Variants in PTPRD observed in about 807,000 individuals in gnomAD.
The protein encoded by PTPRD is receptor-type tyrosine-protein phosphatase delta.
Under a neutral mutation model 214.5 loss-of-function variants are expected in PTPRD, and 34 were observed. The ratio of observed to expected loss-of-function variants is 0.16; its 90% CI spans 0.12 to 0.21. PTPRD has a LOEUF of 0.21. Ranked by LOEUF, PTPRD falls within the 10% of genes least tolerant of loss-of-function variation. The pLI is 1.00. For synonymous variants in PTPRD, 1,128 were observed against 845.7 expected (o/e 1.33, Z -5.79); for missense variants, 2,545 against 2,398.7 (o/e 1.06, Z -1.27).
intron 33 of PTPRD, chr9:8,451,875 C>A: frequency 2.0e-6 from 1 of 499,138 alleles, no homozygotes; most frequent in Non-Finnish European, 4.0e-6. Flanking sequence ...TCTATCTGGG[C>A]AAGAAAACTA....
rs139788415 is a variant in PTPRD at position 9,460,877 on chromosome 9, G to A, written c.-236-63395C>T. Among the ~76,000 whole-genome samples the A allele has an allele frequency of 9.0e-3, 1,373 of 152,128 alleles. 9 individuals are homozygous for A. The highest frequency in any genetic ancestry group is 0.014 in the Non-Finnish European group (976 of 67,972). On this transcript the variant is annotated intron_variant, in intron 8 of 45. Coordinates refer to ENST00000381196, the MANE Select transcript of PTPRD (RefSeq NM_002839.4). ...ATCAAAATGATACCTGCACTCTTACGTTTATTGCTGCACTATTCACAATAG... is the reference window on the plus strand; with the variant it reads ...ATCAAAATGATACCTGCACTCTTACATTTATTGCTGCACTATTCACAATAG...
chr9:10,220,494 T>C (rs970625133), intron 3 of PTPRD, among the ~76,000 whole-genome samples: 7 of 152,048 alleles, frequency 4.6e-5, no homozygotes, highest in Admixed American at 2.6e-4. Context: ...GCTATACTCA[T>C]GAAAGTTAAA....
At chr9:9,583,120 A>G (rs925736734) in intron 7 of PTPRD, among the ~76,000 whole-genome samples, 2 of 152,052 alleles carry the variant, frequency 1.3e-5, no homozygotes, top group African/African-American at 4.8e-5. Context: ...CTGTTCCTAA[A>G]TTATTCTCAC....
chr9:8,649,962 G>A (rs955042356), intron 12 of PTPRD, among the ~76,000 whole-genome samples: 5 of 151,938 alleles, frequency 3.3e-5, no homozygotes, highest in Non-Finnish European at 7.4e-5. Context: ...CTGTTGCCTA[G>A]GCTGGACTGC....
rs192630918 is a variant in PTPRD at position 10,040,324 on chromosome 9, C to T, written c.-544-6534G>A. On this transcript the variant is annotated intron_variant, in intron 3 of 45. Transcript: ENST00000381196. ...GATGTAGCTTTGAATAAATGGATAG[C>T]CATCCAGCACATTCAACAATCGGTC... 1.1e-3 allele frequency among the ~76,000 whole-genome samples: 173 copies of T among 152,054 alleles called. 1 individual carries two copies. The highest frequency in any genetic ancestry group is 4.0e-3 in the African/African-American group (167 of 41,518).
chr9:8,903,070 G>C (rs566129548), intron 11 of PTPRD, among the ~76,000 whole-genome samples: 1 of 151,756 alleles, frequency 6.6e-6, no homozygotes, highest in South Asian at 2.1e-4. Flanking sequence ...ATCTCACCAC[G>C]TTTAGGAATC....
chr9:9,554,609 G>T (rs938393636), intron 8 of PTPRD, among the ~76,000 whole-genome samples: 1 of 151,954 alleles, frequency 6.6e-6, no homozygotes, highest in African/African-American at 2.4e-5. Flanking sequence ...ATTGGTCGTT[G>T]TTTGGCACCT....
chr9:9,984,780 G>C (rs1335509075), intron 4 of PTPRD, among the ~76,000 whole-genome samples: 1 of 152,066 alleles, frequency 6.6e-6, no homozygotes, highest in African/African-American at 2.4e-5. Flanking sequence ...TGCTGCTGCT[G>C]TCTCTCGGAG....
intron 3 of PTPRD, among the ~76,000 whole-genome samples, chr9:10,067,020 C>T (rs910933417): frequency 6.6e-6 from 1 of 151,554 alleles, no homozygotes; most frequent in Admixed American, 6.6e-5. Flanking sequence ...CATTCCTCTC[C>T]AAACAGGAAA....
At chr9:10,287,282 C>T (rs748106776) in intron 3 of PTPRD, among the ~76,000 whole-genome samples, 8 of 152,190 alleles carry the variant, frequency 5.3e-5, no homozygotes, top group African/African-American at 9.6e-5. Context: ...TCTAGGCAGA[C>T]AGAGGCCTGG....
chr9:8,576,656 A>C (rs1382192681), intron 14 of PTPRD, among the ~76,000 whole-genome samples: 4 of 140,260 alleles, frequency 2.9e-5, no homozygotes, highest in Admixed American at 7.2e-5. Flanking sequence ...AAAAATCCAT[A>C]TTTGCATATC....
At chr9:8,785,206 G>C (rs778111933) in intron 11 of PTPRD, among the ~76,000 whole-genome samples, 1 of 152,124 alleles carries the variant, frequency 6.6e-6, no homozygotes. Context: ...ATATTTAAAA[G>C]AGACTGAAAC....
At chr9:9,013,483 G>A (rs2099520388) in intron 11 of PTPRD, among the ~76,000 whole-genome samples, 1 of 152,032 alleles carries the variant, frequency 6.6e-6, no homozygotes, top group South Asian at 2.1e-4. Flanking sequence ...AACAAATAGT[G>A]TTTTTTTGTG....
At chr9:9,934,019 T>C (rs2088010266) in intron 5 of PTPRD, among the ~76,000 whole-genome samples, 1 of 148,362 alleles carries the variant, frequency 6.7e-6, no homozygotes, top group Admixed American at 6.6e-5. Flanking sequence ...AAAGATGTTC[T>C]TTGAAACCAA....
At chr9:9,270,116 G>C (rs1030993360) in intron 9 of PTPRD, among the ~76,000 whole-genome samples, 4 of 151,146 alleles carry the variant, frequency 2.6e-5, no homozygotes, top group African/African-American at 9.7e-5. Flanking sequence ...TAGGTGAGTT[G>C]ATAGATATGT....
At position 10,031,625 on chromosome 9, in the gene PTPRD, C is replaced by CATATATATATATATATATAT. The variant is rs1171466919; in HGVS notation, c.-472+2073_-472+2092dup. Among the ~76,000 whole-genome samples, 259 of 87,158 alleles carry CATATATATATATATATATAT rather than the reference C, an allele frequency of 3.0e-3. 4 individuals are homozygous for CATATATATATATATATATAT. The highest frequency in any genetic ancestry group is 3.9e-3 in the Non-Finnish European group (205 of 51,952). The allele number at this position is 87,158 out of a possible 152,430, so 57.2% of individuals were successfully genotyped here. A position where few individuals can be genotyped will look rare whatever the true frequency, so the allele number is the denominator to read the frequency against. On this transcript the variant is annotated intron_variant, in intron 4 of 45. Transcript: ENST00000381196. ...TACATTAATAATACTTAAAAAACTC[C>CATATATATATATATATATAT]ATATATATATATATATATATATACA...
chr9:9,680,472 C>A (rs546286752), intron 7 of PTPRD, among the ~76,000 whole-genome samples: 10 of 151,852 alleles, frequency 6.6e-5, no homozygotes, highest in Admixed American at 5.9e-4. Flanking sequence ...AACACAAATT[C>A]TTTTATCATA....
intron 39 of PTPRD, among the ~76,000 whole-genome samples, chr9:8,352,235 G>C (rs575158711): frequency 6.6e-6 from 1 of 152,190 alleles, no homozygotes; most frequent in East Asian, 1.9e-4. Flanking sequence ...ATGTGTTCGC[G>C]TAAAGAACAC....
At chr9:8,660,742 G>C (rs1266395753) in intron 12 of PTPRD, among the ~76,000 whole-genome samples, 2 of 152,102 alleles carry the variant, frequency 1.3e-5, no homozygotes, top group Admixed American at 6.6e-5. Flanking sequence ...CAATCAAAAA[G>C]CAAACCTCAA....
Sources: gnomAD v4.1 joint callset for allele counts (sites outside exome capture counted in the v4.1 genomes callset) on GRCh38, gnomAD v4.1.1 for gene constraint, MANE v1.5 for transcripts, NCBI Gene and HGNC (gene_info 2026-07-23, HGNC 2026-07-21) for gene names.